The following AP4E1 variants were observed in gnomAD, a reference collection of about 807,000 sequenced individuals.
The protein encoded by AP4E1 is adaptor related protein complex 4 subunit epsilon 1.
A neutral mutation model predicts 128.2 loss-of-function variants in AP4E1; 56 were observed. The ratio of observed to expected loss-of-function variants is 0.44; its 90% CI spans 0.35 to 0.55. AP4E1 has a LOEUF of 0.55. Ranked by LOEUF, AP4E1 falls within the 20% of genes least tolerant of loss-of-function variation. AP4E1 has a pLI of 0.00. For synonymous variants in AP4E1, 484 were observed against 473.1 expected (o/e 1.02, Z -0.30); for missense variants, 1,324 against 1,307.7 (o/e 1.01, Z -0.19).
Position 50,951,837 on chromosome 15 carries a change from C to T in AP4E1, c.1548+1668C>T, listed in dbSNP as rs550843055. 3.2e-3 allele frequency among the ~76,000 whole-genome samples: 481 copies of T among 151,116 alleles called. 2 individuals carry two copies. The highest frequency in any genetic ancestry group is 5.4e-3 in the Admixed American group (82 of 15,148). The stretch of plus-strand genomic sequence containing the variant: ...TGCCTCCTGGGTTCAAGCAATTCTC[C>T]TGTCTTGGCATCCCGAGTTGCTGGG... On this transcript the variant is annotated intron_variant, in intron 13 of 20. Coordinates refer to ENST00000261842, the MANE Select transcript of AP4E1 (RefSeq NM_007347.5).
chr15:51,002,529 T>G lies in AP4E1; in HGVS notation c.3281T>G (p.Leu1094Arg). The G allele has an allele frequency of 6.2e-7, 1 of 1,614,206 alleles. No homozygotes were observed. Among genetic ancestry groups the G allele is most frequent in the Non-Finnish European group, 8.5e-7 (1 of 1,180,022 alleles). Residue 1094 changes from leucine (L) to arginine (R), a missense_variant, in exon 21 of 21, where the codon CTG becomes CGG. Transcript: ENST00000261842. ...AATGAAGGGCTATTGGCCTGTCAGC[T>G]GCTCCCATCCATCCCCTGCTTACTG... ...IGNEGLLACQ[L>R]LPSIPCLLHC...
chr15:50,957,671 CTT>C (rs61656848), intron 13 of AP4E1, among the ~76,000 whole-genome samples: 26 of 87,976 alleles, frequency 3.0e-4, no homozygotes, highest in African/African-American at 1.2e-3. Context: ...ACAAGCGTTT[CTT>C]TTTTTTTTTT....
intron 15 of AP4E1, among the ~76,000 whole-genome samples, chr15:50,968,879 A>G (rs1448382265): frequency 6.6e-6 from 1 of 152,074 alleles, no homozygotes; most frequent in Non-Finnish European, 1.5e-5. Flanking sequence ...TGACCTCCCA[A>G]AGTGCTAGGA....
At chr15:50,972,221 T>TC (rs1251081359) in intron 15 of AP4E1, among the ~76,000 whole-genome samples, 11 of 145,190 alleles carry the variant, frequency 7.6e-5, no homozygotes, top group African/African-American at 2.5e-4. Context: ...TTTCTTTCTT[T>TC]TTTCTTTTGA....
chr15:50,960,424 T>C (rs1454927497), intron 14 of AP4E1, among the ~76,000 whole-genome samples: 1 of 152,124 alleles, frequency 6.6e-6, no homozygotes, highest in Non-Finnish European at 1.5e-5. Flanking sequence ...AGCAAGTACC[T>C]TCTCAGGCTG....
intron 19 of AP4E1, among the ~76,000 whole-genome samples, chr15:51,000,800 T>A (rs2064952073): frequency 1.3e-5 from 2 of 152,208 alleles, no homozygotes; most frequent in Admixed American, 1.3e-4. Context: ...AACTGAGTGG[T>A]TTATTGAAAT....
upstream of AP4E1, among the ~76,000 whole-genome samples, chr15:50,907,689 G>T (rs2063503745): frequency 6.6e-6 from 1 of 152,170 alleles, no homozygotes; most frequent in African/African-American, 2.4e-5. Context: ...TCGTCATCTA[G>T]CCGCTTGAAA....
intron 14 of AP4E1, among the ~76,000 whole-genome samples, chr15:50,966,022 A>T (rs994615674): frequency 1.1e-4 from 16 of 151,828 alleles, no homozygotes; most frequent in African/African-American, 3.9e-4. Flanking sequence ...GGTTCAAGTG[A>T]TTCTTCTGCC....
At chr15:50,949,676 A>T (rs1369973755) in intron 11 of AP4E1, 150 bp from the exon 12 acceptor site, 3 of 672,586 alleles carry the variant, frequency 4.5e-6, no homozygotes. Context: ...ATTTTACATA[A>T]AACTGGGGTA....
chr15:51,000,733 A>G (rs1003101483), intron 19 of AP4E1, among the ~76,000 whole-genome samples: 1 of 152,204 alleles, frequency 6.6e-6, no homozygotes, highest in Non-Finnish European at 1.5e-5. Context: ...TTATAGTTGA[A>G]TGATTTATGA....
chr15:51,001,915 G>A (rs890458841), intron 20 of AP4E1, among the ~76,000 whole-genome samples: 28 of 151,788 alleles, frequency 1.8e-4, no homozygotes, highest in African/African-American at 6.8e-4. Context: ...GGCTCACTTT[G>A]TTACCCATGC....
intron 15 of AP4E1, among the ~76,000 whole-genome samples, chr15:50,983,240 C>T (rs2064666753): frequency 1.3e-5 from 2 of 152,192 alleles, no homozygotes; most frequent in South Asian, 4.1e-4. Context: ...TCCAAGATGG[C>T]TGCTTATGCC....
At chr15:50,976,812 A>G (rs1214561703) in intron 15 of AP4E1, among the ~76,000 whole-genome samples, 4 of 152,218 alleles carry the variant, frequency 2.6e-5, no homozygotes, top group Non-Finnish European at 4.4e-5. Context: ...TAATAAACTG[A>G]AGCAAGTGAG....
intron 4 of AP4E1, among the ~76,000 whole-genome samples, chr15:50,924,597 A>G (rs181392474): frequency 2.6e-4 from 39 of 152,266 alleles, no homozygotes; most frequent in Non-Finnish European, 3.8e-4. Context: ...CATATACTAT[A>G]TTAAGGTTAC....
chr15:50,907,961 G>A (rs1258971271), upstream of AP4E1, among the ~76,000 whole-genome samples: 1 of 152,210 alleles, frequency 6.6e-6, no homozygotes, highest in Non-Finnish European at 1.5e-5. Flanking sequence ...AGAACCGAGC[G>A]CTGTGAGAGG....
intron 13 of AP4E1, among the ~76,000 whole-genome samples, chr15:50,952,875 G>GAT (rs1384568322): frequency 1.3e-5 from 2 of 152,038 alleles, no homozygotes; most frequent in African/African-American, 2.4e-5. Flanking sequence ...ATCATATCAG[G>GAT]ATATATATAA....
Position 50,925,136 on chromosome 15 carries a change from A to C in AP4E1, c.459A>C (p.Ala153=), listed in dbSNP as rs184712259. 2.2e-5 allele frequency: 35 copies of C among 1,614,040 alleles called. No individual in the cohort carries two copies. In the East Asian group the frequency reaches 7.6e-4, roughly 35 times the overall value. Residue 153 remains alanine, a synonymous_variant, in exon 5 of 21, where the codon GCA becomes GCC. Coordinates refer to ENST00000261842, the MANE Select transcript of AP4E1 (RefSeq NM_007347.5). ...CTAACCTAGTAGAAGTGTGTATGGC[A>C]CTGACTGTTGTTAGCCAGATTTTCC... ...QSTNLVEVCM[A]LTVVSQIFPC...
intron 19 of AP4E1, among the ~76,000 whole-genome samples, chr15:50,999,592 C>A (rs963610805): frequency 1.3e-5 from 2 of 152,118 alleles, no homozygotes; most frequent in Non-Finnish European, 2.9e-5. Flanking sequence ...TCCGAAGATT[C>A]TGCATGGCTT....
rs2064891986 is a variant in AP4E1, at chr15:50,997,448, T to C, written c.2469T>C (p.Asn823=). The stretch of plus-strand genomic sequence containing the variant: ...GTTCTTCCTTTAGTTCTTTGTCAAA[T>C]GTGGCATATGAAGATGATTATTATT... ...MTCSSFSSLS[N]VAYEDDYYSN... Residue 823 remains asparagine, a synonymous_variant, in exon 18 of 21, where the codon AAT becomes AAC. Coordinates refer to ENST00000261842, the MANE Select transcript of AP4E1 (RefSeq NM_007347.5). 1 of 1,613,918 alleles carries C rather than the reference T, an allele frequency of 6.2e-7. No individual in the cohort carries two copies. The highest frequency in any genetic ancestry group is 1.3e-5 in the African/African-American group (1 of 75,026).
Sources: gnomAD v4.1 joint callset for allele counts (sites outside exome capture counted in the v4.1 genomes callset) on GRCh38, gnomAD v4.1.1 for gene constraint, MANE v1.5 for transcripts, NCBI Gene and HGNC (gene_info 2026-07-23, HGNC 2026-07-21) for gene names.